PPP1R13B: variants seen among roughly 807,000 people sequenced by gnomAD.
PPP1R13B encodes apoptosis-stimulating of p53 protein 1.
A neutral mutation model predicts 119.8 loss-of-function variants in PPP1R13B; 44 were observed. The ratio of observed to expected loss-of-function variants is 0.37; its 90% CI spans 0.29 to 0.47. The LOEUF is 0.47. Among genes scored for constraint, PPP1R13B ranks in the 20% least tolerant of loss-of-function variants. The pLI is 0.99. For synonymous variants in PPP1R13B, 542 were observed against 561.5 expected (o/e 0.97, Z 0.49); for missense variants, 1,227 against 1,413.5 (o/e 0.87, Z 2.12).
chr14:103,819,515 A>AC (rs1486028882), intron 1 of PPP1R13B, among the ~76,000 whole-genome samples: 2 of 146,392 alleles, frequency 1.4e-5, no homozygotes, highest in African/African-American at 5.0e-5. Flanking sequence ...AAACAAACAA[A>AC]CAAAAAAAAA....
intron 2 of PPP1R13B, among the ~76,000 whole-genome samples, chr14:103,786,959 C>T (rs2085479347): frequency 6.6e-6 from 1 of 150,588 alleles, no homozygotes; most frequent in South Asian, 2.1e-4. Flanking sequence ...CCACCCACCT[C>T]GACCTCCCAA....
In PPP1R13B at chr14:103,740,561, T is replaced by G. The variant is rs776655290; in HGVS notation, c.1855A>C (p.Thr619Pro). The change falls in exon 12 of 17, where the codon ACC becomes CCC. Residue 619 changes from threonine (T) to proline (P), a missense_variant. Thr to Pro is a conservative substitution (Grantham distance 38). Transcript: ENST00000202556. The surrounding 1 kb of genome is among the most constrained non-coding windows in gnomAD (Gnocchi z 4.6). ...YGKPVLPSGS[T>P]SPSPLPFLHG... ...AGAAACGGCAGCGGCGATGGAGAGG[T>G]TGAACCCGAAGGTAAAACGGGCTTA... 1.3e-6 allele frequency: 2 copies of G among 1,547,040 alleles called. No individual in the cohort carries two copies. Among genetic ancestry groups the G allele is most frequent in the Non-Finnish European group, 1.7e-6 (2 of 1,144,420 alleles).
At chr14:103,790,589 C>T (rs770865681) in intron 2 of PPP1R13B, among the ~76,000 whole-genome samples, 59 of 151,686 alleles carry the variant, frequency 3.9e-4, no homozygotes, top group Non-Finnish European at 7.7e-4. Context: ...TCAGCCTGGG[C>T]AACATGGCAA....
At chr14:103,779,586 G>C (rs2152017587) in intron 3 of PPP1R13B, among the ~76,000 whole-genome samples, 1 of 150,438 alleles carries the variant, frequency 6.6e-6, no homozygotes, top group East Asian at 2.0e-4. Flanking sequence ...ACCAGCCTGG[G>C]CAACGTGGCG....
chr14:103,739,696 A>C (rs964305574), intron 12 of PPP1R13B, 128 bp downstream of exon 12: 1 of 1,167,680 alleles, frequency 8.6e-7, no homozygotes, highest in Non-Finnish European at 1.2e-6. Flanking sequence ...CCTCCCTACA[A>C]GACGTAACTC....
At chr14:103,765,423 C>T (rs553894157) in intron 4 of PPP1R13B, among the ~76,000 whole-genome samples, 1 of 152,274 alleles carries the variant, frequency 6.6e-6, no homozygotes, top group East Asian at 1.9e-4. Flanking sequence ...CCACTTCTGG[C>T]CTCTCTCCAC....
At position 103,734,773 on chromosome 14, in the gene PPP1R13B, G is replaced by A. The variant is rs1567076147; in HGVS notation, c.*381C>T. On this transcript the variant is annotated 3_prime_UTR_variant, in exon 17 of 17. Transcript: ENST00000202556. Reference sequence around the variant, plus strand: ...TCGCAGGGGAGCAGGCCTCACAGCGGCGGACAGTGTTCACTGCTGGAGGGG... The same window carrying A: ...TCGCAGGGGAGCAGGCCTCACAGCGACGGACAGTGTTCACTGCTGGAGGGG... 8.6e-6 allele frequency: 4 copies of A among 463,774 alleles called. No individual in the cohort carries two copies. The highest frequency in any genetic ancestry group is 1.6e-5 in the South Asian group (1 of 63,162). 28.7% of individuals were successfully genotyped at this position (463,774 alleles called of 1,614,324 possible). A position where few individuals can be genotyped will look rare whatever the true frequency, so the allele number is the denominator to read the frequency against.
chr14:103,786,532 A>G (rs2152027581), intron 2 of PPP1R13B, among the ~76,000 whole-genome samples: 1 of 152,054 alleles, frequency 6.6e-6, no homozygotes, highest in South Asian at 2.1e-4. Flanking sequence ...TGGGAGGCCA[A>G]GGTGGGCAGA....
chr14:103,746,431 A>G lies in PPP1R13B; in HGVS notation c.1092T>C (p.Pro364=), dbSNP rs2151972058. The change falls in exon 9 of 17, where the codon CCT becomes CCC. Residue 364 remains proline, a synonymous_variant. Coordinates refer to ENST00000202556, the MANE Select transcript of PPP1R13B (RefSeq NM_015316.3). The part of the protein sequence containing the change: ...SAGSFPVLGD[P]IKPQSLSIAS... ...CAATACTGAGAGACTGGGGCTTTATAGGGTCCCCCAGCACAGGAAAGCTTC... is the reference window on the plus strand; with the variant it reads ...CAATACTGAGAGACTGGGGCTTTATGGGGTCCCCCAGCACAGGAAAGCTTC... The G allele has an allele frequency of 1.9e-6, 3 of 1,613,966 alleles. No homozygotes were observed. Among genetic ancestry groups the G allele is most frequent in the Non-Finnish European group, 2.5e-6 (3 of 1,179,936 alleles).
In PPP1R13B at chr14:103,787,603, A is replaced by C. The variant is rs540787164; in HGVS notation, c.158-2689T>G. On this transcript the variant is annotated intron_variant, in intron 2 of 16. Transcript: ENST00000202556. ...GAGGCAAGAGTATCATTTGAGCCTAAGAGTTCAAGACCAGTCTGGGGAAAC... is the reference window on the plus strand; with the variant it reads ...GAGGCAAGAGTATCATTTGAGCCTACGAGTTCAAGACCAGTCTGGGGAAAC... Among the ~76,000 whole-genome samples the C allele has an allele frequency of 6.7e-5, 10 of 150,340 alleles. No individual in the cohort carries two copies. The South Asian group carries it at 1.3e-3, about 19-fold the overall frequency.
At chr14:103,804,627 C>T (rs1169678223) in intron 1 of PPP1R13B, among the ~76,000 whole-genome samples, 2 of 151,774 alleles carry the variant, frequency 1.3e-5, no homozygotes, top group Non-Finnish European at 2.9e-5. Context: ...CCCACCTACT[C>T]GGGACACTGA....
At chr14:103,817,034 TCA>T (rs2086297480) in intron 1 of PPP1R13B, among the ~76,000 whole-genome samples, 1 of 152,222 alleles carries the variant, frequency 6.6e-6, no homozygotes, top group South Asian at 2.1e-4. Context: ...CTTATAATGC[TCA>T]GAGTTACTGT....
At position 103,847,535 on chromosome 14, in the gene PPP1R13B, C is replaced by CCGT; in HGVS notation, c.-229_-228insACG. The CCGT allele has an allele frequency of 1.0e-6, 1 of 986,542 alleles. No homozygotes were observed. Among genetic ancestry groups the CCGT allele is most frequent in the Non-Finnish European group, 1.2e-6 (1 of 831,368 alleles). 61.1% of individuals were successfully genotyped at this position (986,542 alleles called of 1,614,324 possible). On this transcript the variant is annotated 5_prime_UTR_variant, in exon 1 of 17. Transcript: ENST00000202556. ...GGGCACCCGGCCGCCGCCGCCGCCG[C>CCGT]CTCAACCTCAGCCTCAGCCTCAGCC... is the stretch of plus-strand genomic sequence containing the variant.
Position 103,784,793 on chromosome 14 carries a change from A to G in PPP1R13B, c.277+2T>C. Reference sequence around the variant, plus strand: ...CAAATGAGGAAGAAAGCAGTTATCTACCTTGTTCACTGTTCTCAGTTGGGG... The same window carrying G: ...CAAATGAGGAAGAAAGCAGTTATCTGCCTTGTTCACTGTTCTCAGTTGGGG... On this transcript the variant is annotated splice_donor_variant, in intron 3 of 16. Coordinates refer to ENST00000202556, the MANE Select transcript of PPP1R13B (RefSeq NM_015316.3). LOFTEE classifies it high-confidence loss of function. The G allele has an allele frequency of 6.3e-7, 1 of 1,591,410 alleles. No homozygotes were observed. Among genetic ancestry groups the G allele is most frequent in the Non-Finnish European group, 8.6e-7 (1 of 1,163,330 alleles).
chr14:103,848,648 G>C (rs1402694118), upstream of PPP1R13B, among the ~76,000 whole-genome samples: 1 of 152,228 alleles, frequency 6.6e-6, no homozygotes, highest in Non-Finnish European at 1.5e-5. Context: ...GGAGAAGGCC[G>C]CCGCGAGGTC....
intron 8 of PPP1R13B, among the ~76,000 whole-genome samples, chr14:103,748,761 A>G (rs1467795612): frequency 6.6e-6 from 1 of 152,222 alleles, no homozygotes; most frequent in Non-Finnish European, 1.5e-5. Context: ...AGCAGCAGCA[A>G]GACTCAGGAC....
intron 1 of PPP1R13B, among the ~76,000 whole-genome samples, chr14:103,821,108 G>C (rs1418912482): frequency 1.3e-5 from 2 of 152,074 alleles, no homozygotes; most frequent in African/African-American, 4.8e-5. Flanking sequence ...GGAAGTAGAA[G>C]CCCAGAAAAG....
chr14:103,820,135 CCAG>C (rs2086372705), intron 1 of PPP1R13B, among the ~76,000 whole-genome samples: 1 of 152,242 alleles, frequency 6.6e-6, no homozygotes, highest in South Asian at 2.1e-4. Context: ...GGCTTCAGTC[CCAG>C]CAACTTCCCT....
chr14:103,844,159 C>T (rs1350796442), intron 1 of PPP1R13B, among the ~76,000 whole-genome samples: 2 of 151,526 alleles, frequency 1.3e-5, no homozygotes, highest in African/African-American at 4.9e-5. Flanking sequence ...CCCAGCTACT[C>T]GGGAGGCTGT....
Sources: allele counts gnomAD v4.1 joint callset (sites outside exome capture counted in the v4.1 genomes callset), GRCh38; gene constraint gnomAD v4.1.1; non-coding constraint Gnocchi (gnomAD v3.1); transcripts MANE v1.5; gene names NCBI Gene and HGNC (gene_info 2026-07-23, HGNC 2026-07-21).